IKZF2: variants seen among roughly 807,000 people sequenced by gnomAD.
The protein encoded by IKZF2 is IKAROS family zinc finger 2.
Under a neutral mutation model 49.2 loss-of-function variants are expected in IKZF2, and 15 were observed. The ratio of observed to expected loss-of-function variants is 0.30; its 90% confidence interval spans 0.20 to 0.47. The LOEUF (loss-of-function observed/expected upper bound fraction) is 0.47, where lower values mean the gene tolerates loss of function less well. Among genes scored for constraint, IKZF2 ranks in the 20% least tolerant of loss-of-function variants. The pLI is 1.00. For synonymous variants in IKZF2, 227 were observed against 221.4 expected (o/e 1.03, Z -0.23); for missense variants, 567 against 664.6 (o/e 0.85, Z 1.61).
chr2:213,016,008 C>A (rs1238031143), intron 7 of IKZF2, among the ~76,000 whole-genome samples: 2 of 151,956 alleles, frequency 1.3e-5, no homozygotes, highest in East Asian at 1.9e-4. Context: ...GATGATTTGT[C>A]CCGAGTTCAA....
chr2:213,022,532 A>C (rs1697343167), intron 6 of IKZF2, among the ~76,000 whole-genome samples: 1 of 152,106 alleles, frequency 6.6e-6, no homozygotes. Flanking sequence ...GGGTAAGGGC[A>C]GAGAATTTTA....
At chr2:213,068,368 A>G (rs1702354495) in intron 4 of IKZF2, among the ~76,000 whole-genome samples, 1 of 152,078 alleles carries the variant, frequency 6.6e-6, no homozygotes, top group East Asian at 1.9e-4. Flanking sequence ...GAATTGTACA[A>G]GTTACCTTCT....
intron 4 of IKZF2, among the ~76,000 whole-genome samples, chr2:213,072,654 G>A (rs989601356): frequency 1.3e-5 from 2 of 152,010 alleles, no homozygotes; most frequent in African/African-American, 4.8e-5. Flanking sequence ...TAAGAGAAAG[G>A]ACCATATTTA....
intron 4 of IKZF2, among the ~76,000 whole-genome samples, chr2:213,136,370 C>CAAAA (rs11325415): frequency 1.3e-4 from 7 of 53,634 alleles, no homozygotes; most frequent in African/African-American, 3.5e-4. Context: ...GACACTGTCT[C>CAAAA]AAAAAAAAAA....
At chr2:213,084,975 C>T (rs901760107) in intron 4 of IKZF2, among the ~76,000 whole-genome samples, 5 of 152,188 alleles carry the variant, frequency 3.3e-5, no homozygotes, top group Admixed American at 3.3e-4. Context: ...AATAGTGAAT[C>T]TACACCGCAA....
intron 1 of IKZF2, among the ~76,000 whole-genome samples, chr2:213,151,105 T>C (rs1344284339): frequency 6.6e-6 from 1 of 152,078 alleles, no homozygotes; most frequent in African/African-American, 2.4e-5. Context: ...GAGGGGACGA[T>C]AAATTAAGGC....
intron 4 of IKZF2, among the ~76,000 whole-genome samples, chr2:213,126,557 G>C (rs1159154220): frequency 6.6e-6 from 1 of 152,112 alleles, no homozygotes; most frequent in African/African-American, 2.4e-5. Flanking sequence ...GAAACACTGA[G>C]ATGCTTTAAG....
intron 4 of IKZF2, among the ~76,000 whole-genome samples, chr2:213,140,587 A>T (rs73079216): frequency 0.026 from 3,944 of 152,094 alleles, 169 homozygotes; most frequent in African/African-American, 0.09. Context: ...AGTATATGGC[A>T]TACATTAATC....
chr2:213,116,518 T>C (rs1052756225), intron 4 of IKZF2, among the ~76,000 whole-genome samples: 66 of 152,156 alleles, frequency 4.3e-4, no homozygotes, highest in African/African-American at 1.5e-3. Flanking sequence ...GTGGATTGCT[T>C]GAGTCCAGGA....
At position 213,113,667 on chromosome 2, in the gene IKZF2, T is replaced by C. The variant is rs868116065; in HGVS notation, c.139+34041A>G. ...ACTTTGGAGGTAAGAAGTTTGGTTGTTGCTTGGTTTTTTTCCCCTTATCTC... is the reference window on the plus strand; with the variant it reads ...ACTTTGGAGGTAAGAAGTTTGGTTGCTGCTTGGTTTTTTTCCCCTTATCTC... On this transcript the variant is annotated intron_variant, in intron 4 of 8. Coordinates refer to ENST00000434687, the MANE Select transcript of IKZF2 (RefSeq NM_001387220.1). Among the ~76,000 whole-genome samples, 16 of 152,330 alleles carry C rather than the reference T, an allele frequency of 1.1e-4. No homozygotes were observed. The Middle Eastern group carries it at 0.01, about 97-fold the overall frequency.
At chr2:213,078,487 A>T (rs1703534879) in intron 4 of IKZF2, among the ~76,000 whole-genome samples, 1 of 152,206 alleles carries the variant, frequency 6.6e-6, no homozygotes, top group Non-Finnish European at 1.5e-5. Flanking sequence ...AGATCTTCAC[A>T]CTAGAATATG....
intron 4 of IKZF2, 40 bp from the exon 5 acceptor site, chr2:213,057,139 T>A (rs1701240096): frequency 2.6e-6 from 4 of 1,512,464 alleles, no homozygotes; most frequent in Non-Finnish European, 3.6e-6. Context: ...TAAATACATG[T>A]TATGTATTCT....
At chr2:213,112,917 T>C (rs184084777) in intron 4 of IKZF2, among the ~76,000 whole-genome samples, 238 of 152,274 alleles carry the variant, frequency 1.6e-3, no homozygotes, top group Middle Eastern at 6.8e-3. Flanking sequence ...CATATAAATA[T>C]ATGTTTGAAA....
At chr2:213,142,941 A>G (rs1490041905) in intron 4 of IKZF2, among the ~76,000 whole-genome samples, 3 of 151,992 alleles carry the variant, frequency 2.0e-5, no homozygotes, top group Non-Finnish European at 4.4e-5. Flanking sequence ...TTCCTTACCT[A>G]TATCAAAACA....
At chr2:213,039,045 A>G (rs538119328) in intron 6 of IKZF2, among the ~76,000 whole-genome samples, 12 of 152,196 alleles carry the variant, frequency 7.9e-5, no homozygotes, top group African/African-American at 2.6e-4. Context: ...GATATGAAGA[A>G]GACCATCTTG....
At chr2:213,132,541 T>G (rs2060508356) in intron 4 of IKZF2, among the ~76,000 whole-genome samples, 1 of 152,180 alleles carries the variant, frequency 6.6e-6, no homozygotes, top group Non-Finnish European at 1.5e-5. Context: ...GTTCTGAGAA[T>G]TCCAGATATG....
At chr2:213,033,696 T>C (rs900767023) in intron 6 of IKZF2, among the ~76,000 whole-genome samples, 2 of 152,186 alleles carry the variant, frequency 1.3e-5, no homozygotes, top group African/African-American at 4.8e-5. Context: ...TGTAAACAAA[T>C]GTGCTGTCAC....
rs199733088 is a variant in IKZF2, at chr2:213,022,079, C to T, written c.626G>A (p.Ser209Asn). ...NYCGRSYKQR[S>N]SLEEHKERCH... The stretch of plus-strand genomic sequence containing the variant: ...GCGTTCCTTGTGCTCCTCCAGTGAA[C>T]TGCGCTGCTTGTAGCTTCGTCCACA... Residue 209 changes from serine (S) to asparagine (N), a missense_variant, in exon 7 of 9, where the codon AGT becomes AAT. Ser to Asn is a conservative substitution (Grantham distance 46). Coordinates refer to ENST00000434687, the MANE Select transcript of IKZF2 (RefSeq NM_001387220.1). The T allele has an allele frequency of 4.8e-5, 78 of 1,613,816 alleles. No individual in the cohort carries two copies. Among genetic ancestry groups the T allele is most frequent in the Non-Finnish European group, 6.5e-5 (77 of 1,179,800 alleles).
chr2:213,067,513 T>C (rs1702272442), intron 4 of IKZF2, among the ~76,000 whole-genome samples: 1 of 152,118 alleles, frequency 6.6e-6, no homozygotes, highest in Non-Finnish European at 1.5e-5. Context: ...CAATAGAACA[T>C]ATCCTAAAAC....
Sources: gnomAD v4.1 joint callset for allele counts (sites outside exome capture counted in the v4.1 genomes callset) on GRCh38, gnomAD v4.1.1 for gene constraint, MANE v1.5 for transcripts, NCBI Gene and HGNC (gene_info 2026-07-23, HGNC 2026-07-21) for gene names.